TAF3: variants seen among roughly 807,000 people sequenced by gnomAD.
The protein encoded by TAF3 is transcription initiation factor TFIID subunit 3.
A neutral mutation model predicts 80.6 loss-of-function variants in TAF3; 7 were observed. The ratio of observed to expected loss-of-function variants is 0.09; its 90% CI spans 0.05 to 0.16. The LOEUF is 0.16. Among genes scored for constraint, TAF3 ranks in the 10% least tolerant of loss-of-function variants. The probability of loss-of-function intolerance (pLI) is 1.00; values close to 1 mark genes in which losing one functional copy is unlikely to be tolerated. For missense variants in TAF3, 921 were observed against 1,140.2 expected (o/e 0.81, Z 2.77); for synonymous variants, 444 against 446.1 (o/e 1.00, Z 0.06).
intron 2 of TAF3, among the ~76,000 whole-genome samples, chr10:7,885,273 C>CA (rs398012750): frequency 0.2 from 30,573 of 149,952 alleles, 3,148 homozygotes; most frequent in East Asian, 0.3. Flanking sequence ...CACACACACA[C>CA]CCCCACACAC....
intron 2 of TAF3, among the ~76,000 whole-genome samples, chr10:7,944,532 A>G (rs1458779855): frequency 1.3e-5 from 2 of 152,246 alleles, no homozygotes; most frequent in African/African-American, 4.8e-5. Flanking sequence ...GTTAAAGGAC[A>G]TAGCAGGTCT....
intron 2 of TAF3, among the ~76,000 whole-genome samples, chr10:7,941,371 A>T (rs147660144): frequency 1.7e-3 from 265 of 152,384 alleles, no homozygotes; most frequent in African/African-American, 6.0e-3. Context: ...AGTGATCAGC[A>T]GTTGTTGCTA....
intron 2 of TAF3, among the ~76,000 whole-genome samples, chr10:7,845,497 G>A (rs1451930769): frequency 6.6e-6 from 1 of 152,218 alleles, no homozygotes; most frequent in East Asian, 1.9e-4. Flanking sequence ...AAATGATTTG[G>A]TTTGGGTGGT....
At chr10:7,824,128 A>G (rs1836718095) in intron 1 of TAF3, among the ~76,000 whole-genome samples, 190 bp from the exon 2 acceptor site, 1 of 152,064 alleles carries the variant, frequency 6.6e-6, no homozygotes, top group Non-Finnish European at 1.5e-5. Context: ...ATTATATTTA[A>G]ACTTGACTTT....
At chr10:7,882,964 G>A (rs1026250346) in intron 2 of TAF3, among the ~76,000 whole-genome samples, 3 of 152,172 alleles carry the variant, frequency 2.0e-5, no homozygotes, top group Non-Finnish European at 4.4e-5. Flanking sequence ...AAACTAAGTT[G>A]CAGACATCAT....
At position 7,884,512 on chromosome 10, in the gene TAF3, G is replaced by A. The variant is rs144859987; in HGVS notation, c.409+59952G>A. Among the ~76,000 whole-genome samples the A allele has an allele frequency of 3.8e-3, 571 of 151,018 alleles. 4 individuals carry two copies. Among genetic ancestry groups the A allele is most frequent in the South Asian group, 0.02 (94 of 4,802 alleles). The stretch of plus-strand genomic sequence containing the variant: ...GGCGATTCTCCTGTCTCAGCCTCCC[G>A]AGTAGCTAGGATTATAGGCGCCCGC... On this transcript the variant is annotated intron_variant, in intron 2 of 6. Transcript: ENST00000344293.
At chr10:7,921,599 AGATATATTTGTGTGAATCTATATT>A (rs2131189206) in intron 2 of TAF3, among the ~76,000 whole-genome samples, 1 of 152,294 alleles carries the variant, frequency 6.6e-6, no homozygotes, top group East Asian at 1.9e-4. Context: ...GCACTTACAC[AGATATATTTGTGTGAATCTATATT>A]GAAAAATGTA....
chr10:7,920,418 C>T (rs944969941), intron 2 of TAF3, among the ~76,000 whole-genome samples: 2 of 150,842 alleles, frequency 1.3e-5, no homozygotes, highest in African/African-American at 2.4e-5. Context: ...TGTGTGATTT[C>T]AATCTCGTTC....
At chr10:7,841,370 G>C (rs1427812905) in intron 2 of TAF3, among the ~76,000 whole-genome samples, 1 of 152,144 alleles carries the variant, frequency 6.6e-6, no homozygotes, top group African/African-American at 2.4e-5. Context: ...CTTTCCTAGA[G>C]CTTACAGTCT....
At chr10:7,983,854 A>G (rs1831751439) in intron 4 of TAF3, among the ~76,000 whole-genome samples, 1 of 152,112 alleles carries the variant, frequency 6.6e-6, no homozygotes, top group Non-Finnish European at 1.5e-5. Flanking sequence ...CAATAAATAA[A>G]TAAATAAATA....
chr10:7,996,843 T>TA (rs1491380869), intron 4 of TAF3, among the ~76,000 whole-genome samples: 3 of 33,334 alleles, frequency 9.0e-5, no homozygotes, highest in African/African-American at 3.1e-4. Context: ...CCACACTCTA[T>TA]TTTTTTTTTT....
intron 2 of TAF3, among the ~76,000 whole-genome samples, chr10:7,952,903 A>T (rs1301547569): frequency 6.6e-6 from 1 of 152,234 alleles, no homozygotes; most frequent in East Asian, 1.9e-4. Context: ...GGACAATTTT[A>T]AAATATTTTA....
chr10:7,883,030 ATATG>A (rs1339301758), intron 2 of TAF3, among the ~76,000 whole-genome samples: 1 of 152,158 alleles, frequency 6.6e-6, no homozygotes, highest in Non-Finnish European at 1.5e-5. Flanking sequence ...GTGGCTTCTC[ATATG>A]TAACAGAACA....
At chr10:7,881,601 A>T (rs1037869590) in intron 2 of TAF3, among the ~76,000 whole-genome samples, 3 of 152,164 alleles carry the variant, frequency 2.0e-5, no homozygotes, top group Non-Finnish European at 4.4e-5. Context: ...TTTACAAATA[A>T]AAAGAGCAAG....
intron 2 of TAF3, among the ~76,000 whole-genome samples, chr10:7,859,455 G>A (rs1384492052): frequency 6.6e-6 from 1 of 152,102 alleles, no homozygotes; most frequent in African/African-American, 2.4e-5. Context: ...TTCCAGATTG[G>A]GGGAGAATAG....
intron 4 of TAF3, among the ~76,000 whole-genome samples, chr10:7,989,035 C>T (rs1831807731): frequency 6.6e-6 from 1 of 152,056 alleles, no homozygotes; most frequent in Non-Finnish European, 1.5e-5. Flanking sequence ...TATGTTTTAT[C>T]AGACTTAGCT....
Position 7,918,237 on chromosome 10 carries a change from A to G in TAF3, c.410-45683A>G, listed in dbSNP as rs78687192. ...GGAGAAGGGGCGTGATGAAGGTTTG[A>G]AGAGAGACGAGAATGTATGAAATGG... On this transcript the variant is annotated intron_variant, in intron 2 of 6. Coordinates refer to ENST00000344293, the MANE Select transcript of TAF3 (RefSeq NM_031923.4). Among the ~76,000 whole-genome samples, 1,295 of 152,248 alleles carry G rather than the reference A, an allele frequency of 8.5e-3. 21 individuals are homozygous for G. The highest frequency in any genetic ancestry group is 0.029 in the African/African-American group (1,213 of 41,540).
intron 2 of TAF3, among the ~76,000 whole-genome samples, chr10:7,918,246 G>A (rs547105838): frequency 6.6e-6 from 1 of 152,246 alleles, no homozygotes; most frequent in African/African-American, 2.4e-5. Flanking sequence ...GAAGAGAGAC[G>A]AGAATGTATG....
intron 2 of TAF3, among the ~76,000 whole-genome samples, chr10:7,844,915 A>T (rs1267030435): frequency 6.6e-6 from 1 of 152,240 alleles, no homozygotes; most frequent in Middle Eastern, 3.4e-3. Context: ...GGCATTTTTA[A>T]TATTTTAAAA....
Sources: gnomAD v4.1 joint callset for allele counts (sites outside exome capture counted in the v4.1 genomes callset) on GRCh38, gnomAD v4.1.1 for gene constraint, MANE v1.5 for transcripts, NCBI Gene and HGNC (gene_info 2026-07-23, HGNC 2026-07-21) for gene names.